FBXO25: variants seen among roughly 807,000 people sequenced by gnomAD.
FBXO25 encodes the protein F-box protein 25, also known as F-box only protein 25.
In FBXO25, 45 loss-of-function variants were observed where a neutral mutation model predicts 51.9. The observed-to-expected ratio is 0.87, with a 90% CI of 0.68 to 1.11. FBXO25 has a LOEUF of 1.11. Ranked by LOEUF, FBXO25 falls within the 50% of genes most tolerant of loss-of-function variation. The pLI is 0.00. For missense variants in FBXO25, 507 were observed against 428.5 expected (o/e 1.18, Z -1.62); for synonymous variants, 199 against 151.0 (o/e 1.32, Z -2.33).
At chr8:452,702 G>A (rs747874567) in intron 7 of FBXO25, among the ~76,000 whole-genome samples, 2 of 152,204 alleles carry the variant, frequency 1.3e-5, no homozygotes, top group Non-Finnish European at 2.9e-5. Context: ...TGTCTGGCTG[G>A]GAAGTTCCAG....
At chr8:460,990 C>G (rs981616241) in intron 8 of FBXO25, among the ~76,000 whole-genome samples, 1 of 152,198 alleles carries the variant, frequency 6.6e-6, no homozygotes, top group Non-Finnish European at 1.5e-5. Flanking sequence ...ATTGCAGCAA[C>G]AGCCATAAAG....
rs1050569694 is a variant in FBXO25 at position 474,175 on chromosome 8, G to C, written c.*5371G>C. The C allele has an allele frequency of 6.3e-6, 1 of 158,688 alleles. No homozygotes were observed. The highest frequency in any genetic ancestry group is 2.4e-5 in the African/African-American group (1 of 41,484). 9.8% of individuals were successfully genotyped at this position (158,688 alleles called of 1,614,324 possible). ...CTTTGTCTCTTTTAATTTGACTTCT[G>C]TAGGGACCTCGTATGAGTGGAACCA... On this transcript the variant is annotated 3_prime_UTR_variant, in exon 10 of 10. Transcript: ENST00000350302.
At chr8:452,352 G>A (rs1035921394) in intron 7 of FBXO25, among the ~76,000 whole-genome samples, 1 of 152,188 alleles carries the variant, frequency 6.6e-6, no homozygotes, top group African/African-American at 2.4e-5. Context: ...TGTTGTCTTG[G>A]TGTGACCCTA....
chr8:442,099 C>T (rs1247293941), intron 5 of FBXO25, among the ~76,000 whole-genome samples: 3 of 152,078 alleles, frequency 2.0e-5, no homozygotes, highest in East Asian at 1.9e-4. Flanking sequence ...TTTGTTTGCT[C>T]TGGTGAGTGT....
chr8:431,842 A>G (rs1276579184), intron 3 of FBXO25, among the ~76,000 whole-genome samples: 3 of 152,102 alleles, frequency 2.0e-5, no homozygotes, highest in Non-Finnish European at 4.4e-5. Context: ...GGAAGGCTGG[A>G]GGTGGGACCT....
At chr8:412,330 T>C (rs1319501793) in intron 1 of FBXO25, among the ~76,000 whole-genome samples, 1 of 152,186 alleles carries the variant, frequency 6.6e-6, no homozygotes, top group East Asian at 1.9e-4. Context: ...TTCCAGACAG[T>C]CTTCAAGTAC....
intron 5 of FBXO25, among the ~76,000 whole-genome samples, chr8:446,653 G>C (rs1798756219): frequency 6.6e-6 from 1 of 152,198 alleles, no homozygotes; most frequent in African/African-American, 2.4e-5. Context: ...CAGTTAATTT[G>C]AAAAGATAAA....
chr8:455,563 A>C (rs961925658), intron 7 of FBXO25, among the ~76,000 whole-genome samples: 4 of 152,170 alleles, frequency 2.6e-5, no homozygotes, highest in African/African-American at 9.7e-5. Flanking sequence ...AAGCCAGTCA[A>C]CTCATCTGTA....
chr8:451,885 A>T lies in FBXO25; in HGVS notation c.660+432A>T, dbSNP rs1585077379. Among the ~76,000 whole-genome samples, 3 of 152,302 alleles carry T rather than the reference A, an allele frequency of 2.0e-5. No individual in the cohort carries two copies. In the South Asian group the frequency reaches 6.2e-4, roughly 32 times the overall value. On this transcript the variant is annotated intron_variant, in intron 7 of 9. Transcript: ENST00000350302. Reference sequence around the variant, plus strand: ...TGTTTATAGTTCTTAGCAACAGTGAACAAGGCCAAAAGAAGGTGCAAATCA... The same window carrying T: ...TGTTTATAGTTCTTAGCAACAGTGATCAAGGCCAAAAGAAGGTGCAAATCA...
intron 5 of FBXO25, among the ~76,000 whole-genome samples, chr8:447,715 A>G (rs1798830222): frequency 6.6e-6 from 1 of 152,214 alleles, no homozygotes; most frequent in South Asian, 2.1e-4. Flanking sequence ...CATACACCTT[A>G]TACATATTAC....
At chr8:412,350 CTG>C (rs1386564740) in intron 1 of FBXO25, among the ~76,000 whole-genome samples, 1 of 152,184 alleles carries the variant, frequency 6.6e-6, no homozygotes, top group African/African-American at 2.4e-5. Context: ...CTGTTTGACT[CTG>C]TTTCCTAAAT....
At chr8:410,429 AT>A (rs202181356) in intron 1 of FBXO25, among the ~76,000 whole-genome samples, 12,369 of 148,090 alleles carry the variant, frequency 0.084, 757 homozygotes, top group African/African-American at 0.17. Context: ...TATCCACTTG[AT>A]TTTTTTTTTT....
intron 6 of FBXO25, chr8:450,635 A>G (rs1452628966): frequency 6.6e-6 from 1 of 152,396 alleles, no homozygotes; most frequent in East Asian, 1.9e-4. Flanking sequence ...AAAATTGTAG[A>G]CCCAACTGAA....
chr8:445,940 T>G (rs556945708), intron 5 of FBXO25, among the ~76,000 whole-genome samples: 1 of 152,162 alleles, frequency 6.6e-6, no homozygotes, highest in East Asian at 1.9e-4. Flanking sequence ...GTGTCTGGTG[T>G]GATGGAGGGG....
intron 2 of FBXO25, among the ~76,000 whole-genome samples, chr8:413,920 T>A (rs1474684055): frequency 3.3e-5 from 5 of 152,192 alleles, no homozygotes; most frequent in Non-Finnish European, 7.3e-5. Context: ...GGCTATTGTA[T>A]GATGACTACA....
intron 9 of FBXO25, among the ~76,000 whole-genome samples, chr8:465,783 T>A (rs1196372203): frequency 6.6e-6 from 1 of 152,222 alleles, no homozygotes; most frequent in African/African-American, 2.4e-5. Context: ...TTTTGGAGCA[T>A]CTCAGATTTT....
rs2100160 is a variant in FBXO25 at position 477,140 on chromosome 8, A to T, written c.*8336A>T. ...TTTCTAGTTTCATCCCACTGTGGCC[A>T]GAAAAGATATTTTATTTCCTCAGTC... is the stretch of plus-strand genomic sequence containing the variant. On this transcript the variant is annotated 3_prime_UTR_variant, in exon 10 of 10. Transcript: ENST00000350302. 3 of 152,168 alleles carry T rather than the reference A, an allele frequency of 2.0e-5. No individual in the cohort carries two copies. The highest frequency in any genetic ancestry group is 2.1e-4 in the South Asian group (1 of 4,830). The allele number at this position is 152,168 out of a possible 1,614,324, so 9.4% of individuals were successfully genotyped here.
In FBXO25 at chr8:476,749, C is replaced by G. The variant is rs1421189909; in HGVS notation, c.*7945C>G. Reference sequence around the variant, plus strand: ...AGTCACTCTTAGCTATCAACAAACTCTTGGTTTCATTTATTTTTCTCTATT... The same window carrying G: ...AGTCACTCTTAGCTATCAACAAACTGTTGGTTTCATTTATTTTTCTCTATT... On this transcript the variant is annotated 3_prime_UTR_variant, in exon 10 of 10. Coordinates refer to ENST00000350302, the MANE Select transcript of FBXO25 (RefSeq NM_183420.2). 2 of 151,988 alleles carry G rather than the reference C, an allele frequency of 1.3e-5. No homozygotes were observed. The highest frequency in any genetic ancestry group is 2.9e-5 in the Non-Finnish European group (2 of 67,976). The allele number at this position is 151,988 out of a possible 1,614,324, so 9.4% of individuals were successfully genotyped here. A position where few individuals can be genotyped will look rare whatever the true frequency, so the allele number is the denominator to read the frequency against.
At chr8:468,674 G>A in intron 9 of FBXO25, 41 bp from the exon 10 acceptor site, 2 of 1,548,316 alleles carry the variant, frequency 1.3e-6, no homozygotes, top group Non-Finnish European at 1.8e-6. Context: ...AGTGTGGCTG[G>A]TGGTGGGGCC....
Sources: allele counts gnomAD v4.1 joint callset (sites outside exome capture counted in the v4.1 genomes callset), GRCh38; gene constraint gnomAD v4.1.1; transcripts MANE v1.5; gene names NCBI Gene and HGNC (gene_info 2026-07-23, HGNC 2026-07-21).